The following PCNT variants were observed in gnomAD, a reference collection of about 807,000 sequenced individuals.
PCNT encodes the protein kendrin.
Under a neutral mutation model 380.4 loss-of-function variants are expected in PCNT, and 319 were observed. That is an observed-to-expected ratio of 0.84 (90% CI 0.77 to 0.92). The LOEUF (loss-of-function observed/expected upper bound fraction) is 0.92, where lower values mean the gene tolerates loss of function less well. Among genes scored for constraint, PCNT ranks in the 40% least tolerant of loss-of-function variants. The pLI is 0.00. For missense variants in PCNT, 4,400 were observed against 4,255.3 expected (o/e 1.03, Z -0.95); for synonymous variants, 1,845 against 1,735.2 (o/e 1.06, Z -1.57).
At chr21:46,407,568 C>A (rs949728074) in intron 27 of PCNT, among the ~76,000 whole-genome samples, 9 of 152,118 alleles carry the variant, frequency 5.9e-5, no homozygotes, top group African/African-American at 1.9e-4. Context: ...TGGTCTCGAT[C>A]TCCTGACCTC....
At chr21:46,345,039 T>C (rs1393668441) in intron 3 of PCNT, among the ~76,000 whole-genome samples, 1 of 152,228 alleles carries the variant, frequency 6.6e-6, no homozygotes, top group African/African-American at 2.4e-5. Flanking sequence ...CTTTAAAGTT[T>C]GTGTCTCTAG....
intron 8 of PCNT, among the ~76,000 whole-genome samples, chr21:46,350,224 T>G (rs941015666): frequency 2.0e-5 from 3 of 152,066 alleles, no homozygotes; most frequent in African/African-American, 7.2e-5. Flanking sequence ...AAATAGAGTG[T>G]TAGTGGTGAA....
intron 2 of PCNT, among the ~76,000 whole-genome samples, chr21:46,327,123 C>A (rs1038142226): frequency 3.4e-5 from 5 of 149,012 alleles, no homozygotes; most frequent in African/African-American, 1.2e-4. Context: ...TGCAGTGGCG[C>A]GATCTCGGCT....
chr21:46,419,858 A>G (rs193076634), intron 31 of PCNT, among the ~76,000 whole-genome samples: 27 of 152,218 alleles, frequency 1.8e-4, no homozygotes, highest in African/African-American at 6.5e-4. Flanking sequence ...CTCCCACCTT[A>G]GCCTCCCAAA....
At chr21:46,325,042 T>C (rs767495467) in intron 1 of PCNT, 72 of 985,370 alleles carry the variant, frequency 7.3e-5, no homozygotes, top group Non-Finnish European at 8.6e-5. Flanking sequence ...AGGGACGCGC[T>C]CCCGTCTTTC....
intron 3 of PCNT, among the ~76,000 whole-genome samples, chr21:46,337,745 G>T (rs1390287857): frequency 6.6e-6 from 1 of 152,048 alleles, no homozygotes; most frequent in Admixed American, 6.6e-5. Flanking sequence ...ACCACGCCTG[G>T]CTAGTTTTGT....
chr21:46,427,567 C>T, intron 33 of PCNT, 55 bp from the exon 34 acceptor site: 1 of 1,607,714 alleles, frequency 6.2e-7, no homozygotes, highest in Non-Finnish European at 8.5e-7. Context: ...AACTTTAGGG[C>T]ACAAGGATGC....
chr21:46,424,714 G>GCC (rs57916708), intron 32 of PCNT, among the ~76,000 whole-genome samples: 5,899 of 81,062 alleles, frequency 0.073, 381 homozygotes, highest in African/African-American at 0.2. Context: ...CTCCCACTGC[G>GCC]CCCCCCCCAA....
At chr21:46,429,321 G>A (rs1459209547) in intron 35 of PCNT, among the ~76,000 whole-genome samples, 2 of 97,516 alleles carry the variant, frequency 2.1e-5, no homozygotes, top group Admixed American at 8.8e-5. Context: ...GAGCGCTCGT[G>A]AGAGGCATGG....
intron 4 of PCNT, among the ~76,000 whole-genome samples, chr21:46,346,516 G>A (rs922172972): frequency 5.3e-5 from 8 of 152,302 alleles, no homozygotes; most frequent in Admixed American, 1.3e-4. Flanking sequence ...GAGGGAATTC[G>A]GGGTGCTGGT....
At chr21:46,422,838 C>A (rs1012357193) in intron 32 of PCNT, among the ~76,000 whole-genome samples, 1 of 152,212 alleles carries the variant, frequency 6.6e-6, no homozygotes, top group African/African-American at 2.4e-5. Flanking sequence ...GGCCGCAGCT[C>A]CCGTTGTCTC....
chr21:46,383,752 G>A (rs2085693202), intron 16 of PCNT, among the ~76,000 whole-genome samples: 6 of 137,568 alleles, frequency 4.4e-5, no homozygotes, highest in Admixed American at 3.0e-4. Flanking sequence ...ACAGTGCTGT[G>A]CATTCAGCAG....
chr21:46,368,936 CTG>C (rs1183166583), intron 15 of PCNT, among the ~76,000 whole-genome samples: 2 of 152,386 alleles, frequency 1.3e-5, no homozygotes, highest in East Asian at 3.9e-4. Flanking sequence ...TCCTTCCTGA[CTG>C]TGGGGAACAG....
At chr21:46,353,937 A>G (rs758469227) in intron 10 of PCNT, 50 bp from the exon 11 acceptor site, 13 of 1,503,244 alleles carry the variant, frequency 8.6e-6, no homozygotes, top group East Asian at 2.3e-5. Flanking sequence ...TGGCGCACAC[A>G]TGGAAAAGGG....
rs998277631 is a variant in PCNT, at chr21:46,335,720, T to C, written c.639+952T>C. On this transcript the variant is annotated intron_variant, in intron 3 of 46. Coordinates refer to ENST00000359568, the MANE Select transcript of PCNT (RefSeq NM_006031.6). ...TTTTTTTTTTTAAATAGAGACGGAG[T>C]CTTGCTCTATTGCCCAGGCTGGTGG... is the stretch of plus-strand genomic sequence containing the variant. Among the ~76,000 whole-genome samples, 5 of 149,654 alleles carry C rather than the reference T, an allele frequency of 3.3e-5. No individual in the cohort carries two copies. In the Admixed American group the frequency reaches 3.4e-4, roughly 10 times the overall value.
Position 46,326,077 on chromosome 21 carries a change from A to C in PCNT, c.55-300A>C, listed in dbSNP as rs187621984. ...CTTGATTAAGCTATCAATCTTTTAT[A>C]CAAATTTTTTTTAAAGTTTTATTTT... On this transcript the variant is annotated intron_variant, in intron 1 of 46. Transcript: ENST00000359568. 6.6e-4 allele frequency among the ~76,000 whole-genome samples: 101 copies of C among 152,368 alleles called. 2 individuals carry two copies. The highest frequency in any genetic ancestry group is 1.2e-3 in the Non-Finnish European group (85 of 68,042).
chr21:46,342,143 G>A (rs140261196), intron 3 of PCNT, among the ~76,000 whole-genome samples: 7,065 of 152,064 alleles, frequency 0.046, 521 homozygotes, highest in African/African-American at 0.16. Context: ...GTTTTGCCAT[G>A]TTGGCCAGGC....
At chr21:46,424,328 A>G (rs1240094307) in intron 32 of PCNT, among the ~76,000 whole-genome samples, 1 of 152,164 alleles carries the variant, frequency 6.6e-6, no homozygotes, top group Non-Finnish European at 1.5e-5. Context: ...CGCTGCCACC[A>G]CCACCACTGC....
rs756672749 is a variant in PCNT at position 46,430,198 on chromosome 21, C to G, written c.7879C>G (p.Leu2627Val). 2 of 1,613,954 alleles carry G rather than the reference C, an allele frequency of 1.2e-6. No homozygotes were observed. Among genetic ancestry groups the G allele is most frequent in the Non-Finnish European group, 1.7e-6 (2 of 1,179,990 alleles). The change falls in exon 36 of 47, where the codon CTC becomes GTC. Residue 2627 changes from leucine (L) to valine (V), a missense_variant. By Grantham distance (32) the Leu-to-Val change is conservative. Coordinates refer to ENST00000359568, the MANE Select transcript of PCNT (RefSeq NM_006031.6). ...GAAGAGCGAACAGCTGTCCCGGTCC[C>G]TCTGCGAGGTGCAGCAGGAGGTCCT... ...RQKSEQLSRSLCEVQQEVLQL... is the reference protein window; with the variant it reads ...RQKSEQLSRSVCEVQQEVLQL...
Sources: allele counts gnomAD v4.1 joint callset (sites outside exome capture counted in the v4.1 genomes callset), GRCh38; gene constraint gnomAD v4.1.1; transcripts MANE v1.5; gene names NCBI Gene and HGNC (gene_info 2026-07-23, HGNC 2026-07-21).